Variants in PDE6B observed in about 807,000 individuals in gnomAD.
PDE6B encodes the protein rod cGMP-specific 3',5'-cyclic phosphodiesterase subunit beta.
In PDE6B, 106 loss-of-function variants were observed where a neutral mutation model predicts 109.0. That is an observed-to-expected ratio of 0.97 (90% CI 0.83 to 1.14). The LOEUF is 1.14. Ranked by LOEUF, PDE6B falls within the 50% of genes most tolerant of loss-of-function variation. The probability of loss-of-function intolerance (pLI) is 0.00; values close to 1 mark genes in which losing one functional copy is unlikely to be tolerated. For synonymous variants in PDE6B, 490 were observed against 471.3 expected (o/e 1.04, Z -0.51); for missense variants, 1,193 against 1,155.6 (o/e 1.03, Z -0.47).
In PDE6B at chr4:666,594, G is replaced by A. The variant is rs775321796; in HGVS notation, c.2332G>A (p.Val778Met). 3.4e-5 allele frequency: 55 copies of A among 1,611,350 alleles called. 1 individual carries two copies. The Admixed American group carries it at 5.2e-4, about 15-fold the overall frequency. ...PKLQVGFIDF[V>M]CTFVYKEFSR... ...GCTGCAAGTGGGCTTCATCGACTTC[G>A]TGTGCACATTCGTGTACAAGGCGAG... The change falls in exon 20 of 22, where the codon GTG (valine) becomes ATG (methionine). Residue 778 changes from valine to methionine, a missense_variant. By Grantham distance (21) the Val-to-Met change is conservative. Transcript: ENST00000496514. This position sits in a 1 kb window ranked among gnomAD's most constrained non-coding sequence, Gnocchi z 5.6.
chr4:666,452 A>AG lies in PDE6B; in HGVS notation c.2269-74dup. ...GTGTCTCCATGAGCACATCTGAGTG[A>AG]GGGGGTCGGGGGGCTGGGCGGGGCC... On this transcript the variant is annotated intron_variant, in intron 19 of 21. Transcript: ENST00000496514. This position sits in a 1 kb window ranked among gnomAD's most constrained non-coding sequence, Gnocchi z 5.6. 1 of 879,774 alleles carries AG rather than the reference A, an allele frequency of 1.1e-6. No homozygotes were observed. Among genetic ancestry groups the AG allele is most frequent in the Non-Finnish European group, 1.9e-6 (1 of 517,510 alleles). 54.5% of individuals were successfully genotyped at this position (879,774 alleles called of 1,614,324 possible).
At chr4:667,796 A>T in intron 20 of PDE6B, 60 bp from the exon 21 acceptor site, 1 of 1,561,480 alleles carries the variant, frequency 6.4e-7, no homozygotes, top group Non-Finnish European at 8.8e-7. Flanking sequence ...GGGAAGGGCT[A>T]TCTTACTCTG....
At position 634,630 on chromosome 4, in the gene PDE6B, G is replaced by A. The variant is rs745723963; in HGVS notation, c.469-47G>A. On this transcript the variant is annotated intron_variant, in intron 1 of 21. Coordinates refer to ENST00000496514, the MANE Select transcript of PDE6B (RefSeq NM_000283.4). ...ACAACCCCAGTGGTGCGGGCTCCAG[G>A]CCCACGGTGCGACAGCCTCTTTAGC... 2.6e-6 allele frequency: 4 copies of A among 1,535,378 alleles called. No individual in the cohort carries two copies. The Admixed American group carries it at 5.0e-5, about 19-fold the overall frequency.
At chr4:628,227 C>G (rs1327090624) in intron 1 of PDE6B, among the ~76,000 whole-genome samples, 1 of 152,222 alleles carries the variant, frequency 6.6e-6, no homozygotes, top group Non-Finnish European at 1.5e-5. Context: ...GCACCCTAAG[C>G]ACTGCCAAGT....
Position 656,984 on chromosome 4 carries a change from C to G in PDE6B, c.1218C>G (p.Asp406Glu). ...TCGCCACATTTTACAACAGGAAAGA[C>G]GGGAAGCCCTTTGACGAACAGGACG... ...VGVATFYNRK[D>E]GKPFDEQDEV... Residue 406 changes from aspartate to glutamate, a missense_variant, in exon 9 of 22, where the codon GAC becomes GAG. Physicochemically the swap from Asp to Glu is conservative, Grantham distance 45. Coordinates refer to ENST00000496514, the MANE Select transcript of PDE6B (RefSeq NM_000283.4). The G allele has an allele frequency of 6.2e-7, 1 of 1,613,248 alleles. No individual in the cohort carries two copies. The highest frequency in any genetic ancestry group is 8.5e-7 in the Non-Finnish European group (1 of 1,179,924).
intron 3 of PDE6B, among the ~76,000 whole-genome samples, chr4:650,195 G>A (rs892711782): frequency 1.3e-5 from 2 of 152,232 alleles, no homozygotes; most frequent in East Asian, 1.9e-4. Flanking sequence ...ACTCCAGGGC[G>A]GGCCTCCAGC....
Position 626,734 on chromosome 4 carries a change from T to C in PDE6B, c.468+640T>C, listed in dbSNP as rs754112583. ...ATCGAGACAGGCTCACTGGAGTCAC[T>C]GAAGGAGGGAAGGGCAGGGCCTGTT... On this transcript the variant is annotated intron_variant, in intron 1 of 21. Coordinates refer to ENST00000496514, the MANE Select transcript of PDE6B (RefSeq NM_000283.4). The surrounding 1 kb of genome is among the most constrained non-coding windows in gnomAD (Gnocchi z 4.6). Among the ~76,000 whole-genome samples the C allele has an allele frequency of 5.3e-5, 8 of 152,118 alleles. No homozygotes were observed. The highest frequency in any genetic ancestry group is 8.8e-5 in the Non-Finnish European group (6 of 68,010).
Position 625,594 on chromosome 4 carries a change from G to T in PDE6B, c.-33G>T. ...TTTCCTGGGAGTCCATGCGTGCCTG[G>T]AGCAGCAGCGTCTCCAGGGACAGGC... On this transcript the variant is annotated 5_prime_UTR_variant, in exon 1 of 22. Coordinates refer to ENST00000496514, the MANE Select transcript of PDE6B (RefSeq NM_000283.4). This position sits in a 1 kb window ranked among gnomAD's most constrained non-coding sequence, Gnocchi z 5.0. The T allele has an allele frequency of 1.4e-6, 2 of 1,467,248 alleles. No homozygotes were observed. Among genetic ancestry groups the T allele is most frequent in the South Asian group, 2.3e-5 (2 of 88,204 alleles). 90.9% of individuals were successfully genotyped at this position (1,467,248 alleles called of 1,614,324 possible).
chr4:647,315 C>T (rs1443423679), intron 3 of PDE6B, among the ~76,000 whole-genome samples: 1 of 152,024 alleles, frequency 6.6e-6, no homozygotes, highest in African/African-American at 2.4e-5. Flanking sequence ...TGGGGCAAAT[C>T]AGCCTTGAGT....
In PDE6B at chr4:663,572, C is replaced by T. The variant is rs560542787; in HGVS notation, c.1921-198C>T. On this transcript the variant is annotated intron_variant, in intron 15 of 21. Coordinates refer to ENST00000496514, the MANE Select transcript of PDE6B (RefSeq NM_000283.4). This position sits in a 1 kb window ranked among gnomAD's most constrained non-coding sequence, Gnocchi z 4.0. ...CTCTGAGGCCATCTGCGTCCCAAGC[C>T]GACGATGGAGCCGCTGGTGGAGAGC... 1.2e-4 allele frequency among the ~76,000 whole-genome samples: 18 copies of T among 152,278 alleles called. No homozygotes were observed. The South Asian group carries it at 2.7e-3, about 23-fold the overall frequency.
In PDE6B at chr4:654,804, C is replaced by CAAGCAGA. The variant is rs750057276; in HGVS notation, c.928-19_928-18insAGCAGAA. On this transcript the variant is annotated intron_variant, in intron 5 of 21. Coordinates refer to ENST00000496514, the MANE Select transcript of PDE6B (RefSeq NM_000283.4). ...GAGCTTGGCCAGGCAGCCCCCCGACCAGTGTCTTCTGCTTCTCAGGAAATT... is the reference window on the plus strand; with the variant it reads ...GAGCTTGGCCAGGCAGCCCCCCGACCAAGCAGAAGTGTCTTCTGCTTCTCAGGAAATT... 1.0e-5 allele frequency: 14 copies of CAAGCAGA among 1,361,736 alleles called. No individual in the cohort carries two copies. The highest frequency in any genetic ancestry group is 1.5e-5 in the Non-Finnish European group (14 of 949,450). The allele number at this position is 1,361,736 out of a possible 1,614,324, so 84.4% of individuals were successfully genotyped here.
In PDE6B at chr4:660,469, G is replaced by A; in HGVS notation, c.1470G>A (p.Lys490=). The A allele has an allele frequency of 3.1e-6, 5 of 1,613,896 alleles. No homozygotes were observed. Among genetic ancestry groups the A allele is most frequent in the South Asian group, 1.1e-5 (1 of 91,078 alleles). Residue 490 remains lysine, a splice_region_variant and synonymous_variant, in exon 12 of 22, where the codon AAG becomes AAA. Coordinates refer to ENST00000496514, the MANE Select transcript of PDE6B (RefSeq NM_000283.4). ...TCAGCCCACAATCCCTCCCACAGAA[G>A]GAGGAGCTGCCAGGGCCCACCACAT... The part of the protein sequence containing the change: ...CDEDELGEIL[K]EELPGPTTFD...
Position 665,118 on chromosome 4 carries a change from T to G in PDE6B, c.2194-137T>G. 1.2e-6 allele frequency: 1 copy of G among 820,740 alleles called. No homozygotes were observed. The highest frequency in any genetic ancestry group is 1.4e-5 in the South Asian group (1 of 71,172). 50.8% of individuals were successfully genotyped at this position (820,740 alleles called of 1,614,324 possible). A position where few individuals can be genotyped will look rare whatever the true frequency, so the allele number is the denominator to read the frequency against. On this transcript the variant is annotated intron_variant, in intron 18 of 21. Transcript: ENST00000496514. The surrounding 1 kb of genome is among the most constrained non-coding windows in gnomAD (Gnocchi z 4.0). ...GGGTACTGCAGTGTGTCTACATGGC[T>G]CAACCGGAGCCCTGTGTGGTGGGGA...
In PDE6B at chr4:665,032, AC is replaced by A; in HGVS notation, c.2193+90del. 1 of 1,127,906 alleles carries A rather than the reference AC, an allele frequency of 8.9e-7. No individual in the cohort carries two copies. Among genetic ancestry groups the A allele is most frequent in the Non-Finnish European group, 1.3e-6 (1 of 742,630 alleles). 69.9% of individuals were successfully genotyped at this position (1,127,906 alleles called of 1,614,324 possible). A position where few individuals can be genotyped will look rare whatever the true frequency, so the allele number is the denominator to read the frequency against. On this transcript the variant is annotated intron_variant, in intron 18 of 21. Transcript: ENST00000496514. The surrounding 1 kb of genome is among the most constrained non-coding windows in gnomAD (Gnocchi z 4.0). Reference sequence around the variant, plus strand: ...GGGCGGGAGCCTCGGATGGCAACGGACCATTGTTTGCAAGGAGCTCTGAGGG... The same window carrying A: ...GGGCGGGAGCCTCGGATGGCAACGGACATTGTTTGCAAGGAGCTCTGAGGG...
At position 665,517 on chromosome 4, in the gene PDE6B, G is replaced by T. The variant is rs546064070; in HGVS notation, c.2268+188G>T. On this transcript the variant is annotated intron_variant, in intron 19 of 21. Transcript: ENST00000496514. The surrounding 1 kb of genome is among the most constrained non-coding windows in gnomAD (Gnocchi z 4.0). ...CGGACCTGGGTACAGCTGTGGCTTG[G>T]GTGATGCTTATGCAGAGGTGACGTC... Among the ~76,000 whole-genome samples the T allele has an allele frequency of 2.1e-4, 32 of 152,258 alleles. No individual in the cohort carries two copies. The South Asian group carries it at 4.1e-3, about 20-fold the overall frequency.
intron 8 of PDE6B, 31 bp from the exon 9 acceptor site, chr4:656,843 C>A (rs1044653676): frequency 1.2e-6 from 2 of 1,611,056 alleles, no homozygotes; most frequent in Admixed American, 3.3e-5. Context: ...AGCCTCAGGG[C>A]GGAGCTCAGC....
Position 666,074 on chromosome 4 carries a change from GGACAGCCCAGGGCACTCGGGGTCT to G in PDE6B, c.2269-452_2269-429del, listed in dbSNP as rs944826468. ...CTCCACCAGGACGCTGTGAGGGGAC[GGACAGCCCAGGGCACTCGGGGTCT>G]GACACTAGAAACAGCTCCAGAGCAC... On this transcript the variant is annotated intron_variant, in intron 19 of 21. Coordinates refer to ENST00000496514, the MANE Select transcript of PDE6B (RefSeq NM_000283.4). The surrounding 1 kb of genome is among the most constrained non-coding windows in gnomAD (Gnocchi z 5.6). 3.9e-5 allele frequency among the ~76,000 whole-genome samples: 6 copies of G among 152,176 alleles called. No individual in the cohort carries two copies. The highest frequency in any genetic ancestry group is 1.4e-4 in the African/African-American group (6 of 41,436).
chr4:634,787 G>C lies in PDE6B; in HGVS notation c.579G>C (p.Val193=), dbSNP rs772750088. The change falls in exon 2 of 22, where the codon GTG becomes GTC. Residue 193 remains valine (V), a synonymous_variant. Transcript: ENST00000496514. ...ACGTCGTGGCGGTGATCATGGCAGTGAACAAGCTCAACGGCCCATTCTTCA... is the reference window on the plus strand; with the variant it reads ...ACGTCGTGGCGGTGATCATGGCAGTCAACAAGCTCAACGGCCCATTCTTCA... ...GKDVVAVIMA[V]NKLNGPFFTS... is the part of the protein sequence containing the mutation. The C allele has an allele frequency of 6.2e-7, 1 of 1,613,974 alleles. No individual in the cohort carries two copies. The highest frequency in any genetic ancestry group is 8.5e-7 in the Non-Finnish European group (1 of 1,179,876).
intron 3 of PDE6B, among the ~76,000 whole-genome samples, chr4:637,215 C>G (rs1453700867): frequency 2.6e-5 from 4 of 151,062 alleles, no homozygotes; most frequent in Non-Finnish European, 5.9e-5. Context: ...TGGGGTTTTG[C>G]TTTGCTTTGT....
Sources: allele counts gnomAD v4.1 joint callset (sites outside exome capture counted in the v4.1 genomes callset), GRCh38; gene constraint gnomAD v4.1.1; non-coding constraint Gnocchi (gnomAD v3.1); transcripts MANE v1.5; gene names NCBI Gene and HGNC (gene_info 2026-07-23, HGNC 2026-07-21).